Variants in OGFR observed in about 807,000 individuals in gnomAD.
OGFR encodes protein 7-60.
OGFR carries 18 observed loss-of-function variants against 33.6 expected under a neutral mutation model. That is an observed-to-expected ratio of 0.54 (90% confidence interval 0.37 to 0.80). The LOEUF is 0.80. Among genes scored for constraint, OGFR ranks in the 30% least tolerant of loss-of-function variants. OGFR has a pLI of 0.00. For missense variants in OGFR, 877 were observed against 955.8 expected (o/e 0.92, Z 1.09); for synonymous variants, 370 against 400.7 (o/e 0.92, Z 0.91).
rs1600775508 is a variant in OGFR at position 62,810,714 on chromosome 20, G to A, written c.465+149G>A. The A allele has an allele frequency of 2.9e-5, 19 of 648,320 alleles. No individual in the cohort carries two copies. In the South Asian group the frequency reaches 3.3e-4, roughly 11 times the overall value. The allele number at this position is 648,320 out of a possible 1,614,324, so 40.2% of individuals were successfully genotyped here. A position where few individuals can be genotyped will look rare whatever the true frequency, so the allele number is the denominator to read the frequency against. On this transcript the variant is annotated intron_variant, in intron 5 of 6. Coordinates refer to ENST00000290291, the MANE Select transcript of OGFR (RefSeq NM_007346.4). ...GGCAGAAGGGCCGAAAGAGCCTCCA[G>A]TATGATGACCTTCCCTCCCCAGTGG...
In OGFR at chr20:62,812,186, A is replaced by AG. The variant is rs751108595; in HGVS notation, c.615-40dup. 6 of 1,436,306 alleles carry AG rather than the reference A, an allele frequency of 4.2e-6. No homozygotes were observed. The African/African-American group carries it at 8.7e-5, about 21-fold the overall frequency. The allele number at this position is 1,436,306 out of a possible 1,614,324, so 89.0% of individuals were successfully genotyped here. A position where few individuals can be genotyped will look rare whatever the true frequency, so the allele number is the denominator to read the frequency against. Reference sequence around the variant, plus strand: ...CCAGGGCGGGGTGCGGCCCAGCAGGAGGGGCCCCAGCCATTGACCTCTCCT... The same window carrying AG: ...CCAGGGCGGGGTGCGGCCCAGCAGGAGGGGGCCCCAGCCATTGACCTCTCCT... On this transcript the variant is annotated intron_variant, in intron 6 of 6. Transcript: ENST00000290291.
chr20:62,809,472 G>A (rs1990674840), intron 3 of OGFR, 113 bp from the exon 4 acceptor site: 1 of 792,374 alleles, frequency 1.3e-6, no homozygotes, highest in Admixed American at 1.8e-5. Context: ...GCGAGGAATA[G>A]CTTGGGGAAG....
At chr20:62,810,400 A>G in intron 4 of OGFR, 99 bp from the exon 5 acceptor site, 1 of 1,182,252 alleles carries the variant, frequency 8.5e-7, no homozygotes, top group Non-Finnish European at 1.3e-6. Context: ...CTGGGAACCC[A>G]GAGGGGATTG....
At position 62,812,595 on chromosome 20, in the gene OGFR, G is replaced by A; in HGVS notation, c.980G>A (p.Gly327Asp). The change falls in exon 7 of 7, where the codon GGT (glycine) becomes GAT (aspartate). Residue 327 changes from glycine to aspartate, a missense_variant. Gly to Asp is a moderately conservative substitution (Grantham distance 94). This residue lies in a region of OGFR where 760 missense variants were observed against 736.0 expected (regional missense o/e 1.03). Transcript: ENST00000290291. The part of the protein sequence containing the change: ...GDPDHEASTQ[G>D]RTCGPEHSKG... ...CCCGACCACGAGGCCAGCACCCAGG[G>A]TCGGACCTGTGGGCCAGAGCATAGC... 1 of 1,568,074 alleles carries A rather than the reference G, an allele frequency of 6.4e-7. No individual in the cohort carries two copies. Among genetic ancestry groups the A allele is most frequent in the South Asian group, 1.2e-5 (1 of 85,968 alleles).
rs778225331 is a variant in OGFR at position 62,811,495 on chromosome 20, C to T, written c.499C>T (p.Leu167Phe). 7.0e-5 allele frequency: 112 copies of T among 1,610,156 alleles called. No individual in the cohort carries two copies. The highest frequency in any genetic ancestry group is 8.6e-5 in the Non-Finnish European group (101 of 1,179,016). Residue 167 changes from leucine to phenylalanine, a missense_variant, in exon 6 of 7, where the codon CTT becomes TTT. This residue lies in a region of OGFR where 760 missense variants were observed against 736.0 expected (regional missense o/e 1.03). Transcript: ENST00000290291. ...FKSSQEIQERLVRAYELMLGF... is the reference protein window; with the variant it reads ...FKSSQEIQERFVRAYELMLGF... Reference sequence around the variant, plus strand: ...AAGCTCCCAGGAGATCCAGGAGCGGCTTGTCCGGGCCTACGAGCTCATGCT... The same window carrying T: ...AAGCTCCCAGGAGATCCAGGAGCGGTTTGTCCGGGCCTACGAGCTCATGCT...
In OGFR at chr20:62,804,924, A is replaced by G; in HGVS notation, c.65A>G (p.Asp22Gly). Residue 22 changes from aspartate (D) to glycine (G), a missense_variant, in exon 1 of 7, where the codon GAC becomes GGC. By Grantham distance (94) the Asp-to-Gly change is moderately conservative. Coordinates refer to ENST00000290291, the MANE Select transcript of OGFR (RefSeq NM_007346.4). The stretch of plus-strand genomic sequence containing the variant: ...GAGGAGGATGCGGAGGACGCGGAGG[A>G]CGAGGACTGCGAGGACGGCGAGGCC... ...EDEEDAEDAE[D>G]EDCEDGEAAG... is the part of the protein sequence containing the mutation. 1 of 1,496,508 alleles carries G rather than the reference A, an allele frequency of 6.7e-7. No homozygotes were observed. The allele number at this position is 1,496,508 out of a possible 1,614,324, so 92.7% of individuals were successfully genotyped here.
chr20:62,812,943 G>C lies in OGFR; in HGVS notation c.1328G>C (p.Cys443Ser), dbSNP rs778463284. 6.8e-6 allele frequency: 11 copies of C among 1,612,148 alleles called. No homozygotes were observed. The Admixed American group carries it at 1.5e-4, about 22-fold the overall frequency. ...GACCCTGGGGAGGCAGTGCAGCCCT[G>C]CCGCCAACCCCTGGGAGCCAGGGTG... ...GQDPGEAVQP[C>S]RQPLGARVAD... The change falls in exon 7 of 7, where the codon TGC becomes TCC. Residue 443 changes from cysteine (C) to serine (S), a missense_variant. Coordinates refer to ENST00000290291, the MANE Select transcript of OGFR (RefSeq NM_007346.4).
chr20:62,813,671 T>A lies in OGFR; in HGVS notation c.*22T>A. The A allele has an allele frequency of 6.2e-7, 1 of 1,609,648 alleles. No homozygotes were observed. Among genetic ancestry groups the A allele is most frequent in the Non-Finnish European group, 8.5e-7 (1 of 1,177,784 alleles). On this transcript the variant is annotated 3_prime_UTR_variant, in exon 7 of 7. Coordinates refer to ENST00000290291, the MANE Select transcript of OGFR (RefSeq NM_007346.4). Reference sequence around the variant, plus strand: ...TTAAGGAAAGGAGTGCCCGTCGGCGTCTTGGTCCTCCTGTCCCTGCTGCAG... The same window carrying A: ...TTAAGGAAAGGAGTGCCCGTCGGCGACTTGGTCCTCCTGTCCCTGCTGCAG...
chr20:62,809,545 G>T (rs1990676691), intron 3 of OGFR, 40 bp from the exon 4 acceptor site: 2 of 1,532,748 alleles, frequency 1.3e-6, no homozygotes, highest in Non-Finnish European at 1.8e-6. Context: ...GCACGGGCAG[G>T]GTGGCTGCCA....
At chr20:62,807,479 T>C (rs879485682) in intron 1 of OGFR, 58 bp from the exon 2 acceptor site, 6 of 1,514,266 alleles carry the variant, frequency 4.0e-6, no homozygotes, top group African/African-American at 1.4e-5. Flanking sequence ...CCTCACCACG[T>C]TGGGACTCAC....
chr20:62,804,897 A>G lies in OGFR; in HGVS notation c.38A>G (p.Asp13Gly), dbSNP rs1990545422. The change falls in exon 1 of 7, where the codon GAC becomes GGC. Residue 13 changes from aspartate (D) to glycine (G), a missense_variant. This residue lies in a region of OGFR where 760 missense variants were observed against 736.0 expected (regional missense o/e 1.03). Coordinates refer to ENST00000290291, the MANE Select transcript of OGFR (RefSeq NM_007346.4). ...DPDCDSTWEEDEEDAEDAEDE... is the reference protein window; with the variant it reads ...DPDCDSTWEEGEEDAEDAEDE... ...GACTGCGACTCCACCTGGGAGGAGG[A>G]CGAGGAGGATGCGGAGGACGCGGAG... is the stretch of plus-strand genomic sequence containing the variant. 9 of 1,490,632 alleles carry G rather than the reference A, an allele frequency of 6.0e-6. No homozygotes were observed. The highest frequency in any genetic ancestry group is 8.0e-6 in the Non-Finnish European group (9 of 1,120,004). 92.3% of individuals were successfully genotyped at this position (1,490,632 alleles called of 1,614,324 possible).
In OGFR at chr20:62,812,969, G is replaced by A. The variant is rs1990770806; in HGVS notation, c.1354G>A (p.Ala452Thr). The change falls in exon 7 of 7, where the codon GCC becomes ACC. Residue 452 changes from alanine to threonine, a missense_variant. Physicochemically the swap from Ala to Thr is moderately conservative, Grantham distance 58. Transcript: ENST00000290291. ...CCGCCAACCCCTGGGAGCCAGGGTG[G>A]CCGACAAGGTGAGGAAGCGGAGGAA... is the stretch of plus-strand genomic sequence containing the variant. ...PCRQPLGARV[A>T]DKVRKRRKVD... is the part of the protein sequence containing the mutation. 1 of 1,612,260 alleles carries A rather than the reference G, an allele frequency of 6.2e-7. No homozygotes were observed. Among genetic ancestry groups the A allele is most frequent in the Non-Finnish European group, 8.5e-7 (1 of 1,179,760 alleles).
chr20:62,810,630 C>A, intron 5 of OGFR, 65 bp downstream of exon 5: 2 of 1,509,404 alleles, frequency 1.3e-6, no homozygotes, highest in Non-Finnish European at 1.8e-6. Context: ...CACGCCGCTG[C>A]AGAGACGGGG....
chr20:62,810,445 A>G (rs2277771), intron 4 of OGFR, 54 bp from the exon 5 acceptor site: 789,610 of 1,577,358 alleles, frequency 0.5, 199,367 homozygotes, highest in African/African-American at 0.63. Context: ...GCACCTGCCC[A>G]AGGTCTGGAA....
At chr20:62,809,293 G>C (rs943755997) in intron 3 of OGFR, among the ~76,000 whole-genome samples, 2 of 152,152 alleles carry the variant, frequency 1.3e-5, no homozygotes, top group Non-Finnish European at 2.9e-5. Context: ...GGTCCTGGTC[G>C]AGGACCAGTG....
chr20:62,812,467 C>G lies in OGFR; in HGVS notation c.852C>G (p.Phe284Leu). 1 of 1,578,068 alleles carries G rather than the reference C, an allele frequency of 6.3e-7. No individual in the cohort carries two copies. The highest frequency in any genetic ancestry group is 8.6e-7 in the Non-Finnish European group (1 of 1,162,336). ...AWEHFRPRCK[F>L]VWGPQDKLRR... The stretch of plus-strand genomic sequence containing the variant: ...AGCACTTCCGGCCCCGCTGCAAGTT[C>G]GTCTGGGGGCCCCAAGACAAGCTGC... The change falls in exon 7 of 7, where the codon TTC becomes TTG. Residue 284 changes from phenylalanine to leucine, a missense_variant. By Grantham distance (22) the Phe-to-Leu change is conservative. Coordinates refer to ENST00000290291, the MANE Select transcript of OGFR (RefSeq NM_007346.4).
rs528517220 is a variant in OGFR, at chr20:62,808,412, G to A, written c.319+87G>A. 2.4e-5 allele frequency: 24 copies of A among 994,036 alleles called. No homozygotes were observed. The African/African-American group carries it at 2.7e-4, about 11-fold the overall frequency. 61.6% of individuals were successfully genotyped at this position (994,036 alleles called of 1,614,324 possible). A position where few individuals can be genotyped will look rare whatever the true frequency, so the allele number is the denominator to read the frequency against. ...CTGGGCCCTGGTTTGGGATGTACCC[G>A]GCGATTACCAGGGCCACGGCTTTCA... On this transcript the variant is annotated intron_variant, in intron 3 of 6. Transcript: ENST00000290291.
At chr20:62,807,985 C>G in intron 2 of OGFR, 1 of 604,892 alleles carries the variant, frequency 1.7e-6, no homozygotes, top group Non-Finnish European at 2.9e-6. Flanking sequence ...TCACGGAAAC[C>G]CCTGTGCTGC....
chr20:62,813,890 GC>G lies in OGFR; in HGVS notation c.*245del, dbSNP rs2147188254. 1 of 590,322 alleles carries G rather than the reference GC, an allele frequency of 1.7e-6. No homozygotes were observed. 36.6% of individuals were successfully genotyped at this position (590,322 alleles called of 1,614,324 possible). ...TCTTCCCCACCCAGCTCTCCCCTGC[GC>G]CCCTGTCTTTGTAAATTGACCCTTC... On this transcript the variant is annotated 3_prime_UTR_variant, in exon 7 of 7. Transcript: ENST00000290291.
Sources: gnomAD v4.1 joint callset for allele counts (sites outside exome capture counted in the v4.1 genomes callset) on GRCh38, gnomAD v4.1.1 for gene constraint, gnomAD v4.1.1 regional missense constraint, MANE v1.5 for transcripts, NCBI Gene and HGNC (gene_info 2026-07-23, HGNC 2026-07-21) for gene names.